The following SMYD3 variants were observed in gnomAD, a reference collection of about 807,000 sequenced individuals.
The protein encoded by SMYD3 is histone-lysine N-methyltransferase SMYD3.
In SMYD3, 36 loss-of-function variants were observed where a neutral mutation model predicts 57.7. That is an observed-to-expected ratio of 0.62 (90% CI 0.48 to 0.82). SMYD3 has a LOEUF of 0.82. Among genes scored for constraint, SMYD3 ranks in the 40% least tolerant of loss-of-function variants. SMYD3 has a pLI of 0.00. For synonymous variants in SMYD3, 211 were observed against 195.0 expected (o/e 1.08, Z -0.68); for missense variants, 515 against 538.8 (o/e 0.96, Z 0.44).
At chr1:245,852,944 G>A (rs554885896) in intron 10 of SMYD3, among the ~76,000 whole-genome samples, 1 of 152,058 alleles carries the variant, frequency 6.6e-6, no homozygotes, top group Non-Finnish European at 1.5e-5. Flanking sequence ...ACGAACACAC[G>A]CACATACAGA....
intron 5 of SMYD3, among the ~76,000 whole-genome samples, chr1:246,156,349 C>G (rs1236020646): frequency 1.3e-5 from 2 of 151,742 alleles, no homozygotes; most frequent in Non-Finnish European, 2.9e-5. Flanking sequence ...AAGCAATTTA[C>G]CTGCACACAA....
intron 5 of SMYD3, among the ~76,000 whole-genome samples, chr1:246,136,491 T>A (rs915873920): frequency 1.3e-5 from 2 of 152,096 alleles, no homozygotes; most frequent in Admixed American, 1.3e-4. Context: ...AACTCTGTAA[T>A]GGCAAAAGAA....
At chr1:246,075,290 GAC>G (rs1389399435) in intron 5 of SMYD3, among the ~76,000 whole-genome samples, 1 of 152,170 alleles carries the variant, frequency 6.6e-6, no homozygotes, top group Non-Finnish European at 1.5e-5. Flanking sequence ...GGAAGAGAAA[GAC>G]ACAAATAAAA....
intron 10 of SMYD3, among the ~76,000 whole-genome samples, chr1:245,851,842 C>G (rs1433550387): frequency 6.6e-6 from 1 of 152,140 alleles, no homozygotes. Context: ...GAGTAGTGGC[C>G]TCTACTAGCC....
At chr1:246,089,476 C>A (rs2060782979) in intron 5 of SMYD3, among the ~76,000 whole-genome samples, 1 of 152,060 alleles carries the variant, frequency 6.6e-6, no homozygotes, top group South Asian at 2.1e-4. Flanking sequence ...GGTGCATATC[C>A]AACCCATCCC....
chr1:246,180,787 A>AC (rs2062536252), intron 5 of SMYD3, among the ~76,000 whole-genome samples: 2 of 121,474 alleles, frequency 1.6e-5, no homozygotes, highest in Non-Finnish European at 3.7e-5. Context: ...AAAAAAAAAA[A>AC]AAAAAAAAAA....
intron 2 of SMYD3, among the ~76,000 whole-genome samples, chr1:246,336,486 T>C (rs770914327): frequency 2.6e-5 from 4 of 152,252 alleles, no homozygotes; most frequent in African/African-American, 4.8e-5. Context: ...ATTTTTGTTT[T>C]AGCATTTACA....
chr1:246,335,535 G>T, intron 2 of SMYD3, 61 bp from the exon 3 acceptor site: 1 of 1,301,520 alleles, frequency 7.7e-7, no homozygotes, highest in Non-Finnish European at 1.1e-6. Context: ...ATTTATACTG[G>T]TTTTGAACAT....
At chr1:246,500,739 A>C (rs1258284801) in intron 1 of SMYD3, among the ~76,000 whole-genome samples, 1 of 152,212 alleles carries the variant, frequency 6.6e-6, no homozygotes, top group Non-Finnish European at 1.5e-5. Flanking sequence ...CTTTTGAGCA[A>C]GCACCAGGCT....
At chr1:245,769,876 G>T (rs1302329071) in intron 10 of SMYD3, among the ~76,000 whole-genome samples, 1 of 152,146 alleles carries the variant, frequency 6.6e-6, no homozygotes, top group African/African-American at 2.4e-5. Flanking sequence ...TGGTATCGCT[G>T]GGTTATAAAT....
chr1:246,374,212 C>T (rs2066234922), intron 1 of SMYD3, among the ~76,000 whole-genome samples: 1 of 152,144 alleles, frequency 6.6e-6, no homozygotes, highest in Non-Finnish European at 1.5e-5. Context: ...CCATGTGGCC[C>T]GGTTTTGGCT....
At chr1:246,504,511 A>T (rs1272377479) in intron 1 of SMYD3, among the ~76,000 whole-genome samples, 2 of 152,254 alleles carry the variant, frequency 1.3e-5, no homozygotes, top group African/African-American at 2.4e-5. Flanking sequence ...ATATAATCAT[A>T]CAGGGCCACT....
At chr1:246,449,463 C>T (rs115387880) in intron 1 of SMYD3, among the ~76,000 whole-genome samples, 257 of 152,250 alleles carry the variant, frequency 1.7e-3, no homozygotes, top group African/African-American at 6.1e-3. Flanking sequence ...TCTTCTGAGA[C>T]AGTGTGATAT....
intron 5 of SMYD3, among the ~76,000 whole-genome samples, chr1:245,946,871 C>T (rs1484764594): frequency 6.6e-6 from 1 of 152,190 alleles, no homozygotes; most frequent in East Asian, 1.9e-4. Context: ...CCCCATTTCT[C>T]TCTAATTTTG....
At chr1:246,222,963 T>C (rs961048807) in intron 5 of SMYD3, among the ~76,000 whole-genome samples, 1 of 152,202 alleles carries the variant, frequency 6.6e-6, no homozygotes, top group Admixed American at 6.5e-5. Flanking sequence ...TTATTCCCTA[T>C]AGCATGAAGA....
chr1:246,044,023 T>C (rs2059921672), intron 5 of SMYD3, among the ~76,000 whole-genome samples: 1 of 152,214 alleles, frequency 6.6e-6, no homozygotes, highest in Non-Finnish European at 1.5e-5. Flanking sequence ...GGTTTATTTT[T>C]CTCTCACACC....
intron 1 of SMYD3, among the ~76,000 whole-genome samples, chr1:246,378,759 A>C (rs1453407430): frequency 9.5e-6 from 1 of 105,364 alleles, no homozygotes; most frequent in Non-Finnish European, 1.8e-5. Context: ...TAATATATTT[A>C]ATATATTATA....
intron 10 of SMYD3, among the ~76,000 whole-genome samples, chr1:245,775,557 C>T (rs991267769): frequency 6.6e-5 from 10 of 150,968 alleles, no homozygotes; most frequent in Non-Finnish European, 1.2e-4. Flanking sequence ...CTCAAGTACC[C>T]AGGGACACAA....
At chr1:246,353,320 G>A (rs1304326924) in intron 2 of SMYD3, among the ~76,000 whole-genome samples, 1 of 152,122 alleles carries the variant, frequency 6.6e-6, no homozygotes, top group African/African-American at 2.4e-5. Flanking sequence ...TAGAGCTCAG[G>A]AGTTTAACAT....
Sources: gnomAD v4.1 joint callset for allele counts (sites outside exome capture counted in the v4.1 genomes callset) on GRCh38, gnomAD v4.1.1 for gene constraint, MANE v1.5 for transcripts, NCBI Gene and HGNC (gene_info 2026-07-23, HGNC 2026-07-21) for gene names.